Variants in MYBPC1 observed in about 807,000 individuals in gnomAD.
The protein encoded by MYBPC1 is myosin-binding protein C, slow-type.
Under a neutral mutation model 147.1 loss-of-function variants are expected in MYBPC1, and 52 were observed. The observed-to-expected ratio is 0.35, with a 90% CI of 0.28 to 0.45. MYBPC1 has a LOEUF of 0.45. MYBPC1 is among the 20% of genes least tolerant of loss of function. MYBPC1 has a pLI of 1.00. For synonymous variants in MYBPC1, 477 were observed against 475.9 expected (o/e 1.00, Z -0.03); for missense variants, 1,228 against 1,440.3 (o/e 0.85, Z 2.39).
rs114855457 is a variant in MYBPC1 at position 101,669,244 on chromosome 12, G to A, written c.2525-1077G>A. ...AATGGTTGTCCCCAGGAAAAGCACC[G>A]TACAACTGAGTTGGAGGATGAATAG... is the stretch of plus-strand genomic sequence containing the variant. On this transcript the variant is annotated intron_variant, in intron 23 of 31. Transcript: ENST00000361466. Among the ~76,000 whole-genome samples, 728 of 152,270 alleles carry A rather than the reference G, an allele frequency of 4.8e-3. 5 individuals are homozygous for A. The highest frequency in any genetic ancestry group is 0.016 in the African/African-American group (684 of 41,544).
intron 20 of MYBPC1, 27 bp downstream of exon 20, chr12:101,661,289 A>T: frequency 2.1e-6 from 3 of 1,423,888 alleles, no homozygotes; most frequent in Non-Finnish European, 3.0e-6. Flanking sequence ...TAGTCTGTGT[A>T]ACTGCCAGTA....
chr12:101,672,619 G>A (rs1007793591), intron 24 of MYBPC1, among the ~76,000 whole-genome samples: 6 of 152,254 alleles, frequency 3.9e-5, no homozygotes, highest in East Asian at 1.9e-4. Context: ...AGGCTGAGGC[G>A]TGTGAATCAC....
At chr12:101,635,482 T>C (rs1890803582) in intron 9 of MYBPC1, among the ~76,000 whole-genome samples, 1 of 152,228 alleles carries the variant, frequency 6.6e-6, no homozygotes, top group African/African-American at 2.4e-5. Context: ...TTTGAAAAGT[T>C]ATTTAATATT....
chr12:101,614,353 G>C lies in MYBPC1; in HGVS notation c.26-143G>C, dbSNP rs1885291621. The C allele has an allele frequency of 3.7e-6, 3 of 800,746 alleles. No homozygotes were observed. In the African/African-American group the frequency reaches 5.1e-5, roughly 14 times the overall value. The allele number at this position is 800,746 out of a possible 1,614,324, so 49.6% of individuals were successfully genotyped here. On this transcript the variant is annotated intron_variant, in intron 1 of 31. Transcript: ENST00000361466. Reference sequence around the variant, plus strand: ...GAGAGAGAGAGAGAGAGAGAAGAGAGAATGTGTTTCCCTCCTCCATCCCTC... The same window carrying C: ...GAGAGAGAGAGAGAGAGAGAAGAGACAATGTGTTTCCCTCCTCCATCCCTC...
chr12:101,613,752 C>A (rs1421107408), intron 1 of MYBPC1, among the ~76,000 whole-genome samples: 1 of 152,184 alleles, frequency 6.6e-6, no homozygotes, highest in Non-Finnish European at 1.5e-5. Context: ...ACCTCAAAAC[C>A]AGAGCCTGGA....
intron 24 of MYBPC1, among the ~76,000 whole-genome samples, chr12:101,672,569 C>T (rs1472618134): frequency 1.3e-5 from 2 of 152,114 alleles, no homozygotes; most frequent in Admixed American, 1.3e-4. Flanking sequence ...TGATATTGGC[C>T]GGGCACGGTG....
chr12:101,647,003 T>C, intron 13 of MYBPC1, 116 bp downstream of exon 13: 1 of 1,327,898 alleles, frequency 7.5e-7, no homozygotes, highest in Non-Finnish European at 1.1e-6. Flanking sequence ...TTATGGATCC[T>C]AATGAGTCTT....
chr12:101,670,394 G>A lies in MYBPC1; in HGVS notation c.2598G>A (p.Leu866=). ...YIRRVGEAVN[L]VIPFQGKPRP... ...GCAGAGTTGGAGAAGCTGTCAATCT[G>A]GTTATACCTTTCCAGGTAAGAGTTC... The change falls in exon 24 of 32, where the codon CTG becomes CTA. Residue 866 remains leucine, a synonymous_variant. Coordinates refer to ENST00000361466, the MANE Select transcript of MYBPC1 (RefSeq NM_002465.4). 2 of 1,613,706 alleles carry A rather than the reference G, an allele frequency of 1.2e-6. No homozygotes were observed. The highest frequency in any genetic ancestry group is 8.5e-7 in the Non-Finnish European group (1 of 1,179,674).
downstream of MYBPC1, among the ~76,000 whole-genome samples, chr12:101,686,414 CAG>C (rs1415196301): frequency 6.6e-6 from 1 of 152,192 alleles, no homozygotes; most frequent in African/African-American, 2.4e-5. Context: ...GTCATAGTGA[CAG>C]AGGGCTGTTA....
At chr12:101,683,692 G>A (rs191183451) in intron 30 of MYBPC1, among the ~76,000 whole-genome samples, 1 of 152,118 alleles carries the variant, frequency 6.6e-6, no homozygotes, top group Admixed American at 6.5e-5. Context: ...TTTGCAGCTG[G>A]GTATGCAACC....
chr12:101,598,095 C>G (rs1878170192), intron 1 of MYBPC1, among the ~76,000 whole-genome samples: 3 of 150,686 alleles, frequency 2.0e-5, no homozygotes, highest in Admixed American at 1.3e-4. Flanking sequence ...TCTCCGCTCA[C>G]TGCAGCCTTT....
chr12:101,605,794 A>G (rs12371923), intron 1 of MYBPC1, among the ~76,000 whole-genome samples: 20,630 of 152,008 alleles, frequency 0.14, 1,568 homozygotes, highest in African/African-American at 0.16. Context: ...CCTGGGAGGC[A>G]GAGGTTGTAC....
intron 24 of MYBPC1, among the ~76,000 whole-genome samples, chr12:101,671,327 A>ACT (rs1555252572): frequency 5.6e-4 from 58 of 103,322 alleles, no homozygotes; most frequent in Non-Finnish European, 1.0e-3. Flanking sequence ...ACACACACAC[A>ACT]CACACACACA....
intron 9 of MYBPC1, 86 bp downstream of exon 9, chr12:101,634,691 G>A (rs755692810): frequency 1.3e-5 from 14 of 1,094,480 alleles, no homozygotes; most frequent in South Asian, 6.3e-5. Flanking sequence ...CCTGTATTCC[G>A]TATTCCAAAT....
At chr12:101,613,043 A>C (rs940352363) in intron 1 of MYBPC1, among the ~76,000 whole-genome samples, 1 of 152,204 alleles carries the variant, frequency 6.6e-6, no homozygotes, top group East Asian at 1.9e-4. Flanking sequence ...TTTTGGTTAT[A>C]TATATCCTTC....
intron 29 of MYBPC1, among the ~76,000 whole-genome samples, chr12:101,681,555 CATATATATATATATATATATAT>C (rs1206495774): frequency 1.1e-3 from 25 of 23,170 alleles, no homozygotes; most frequent in South Asian, 8.0e-3. Flanking sequence ...AAATAACTTT[CATATATATATATATATATATAT>C]ATATATATAT....
chr12:101,604,760 T>C (rs923524857), intron 1 of MYBPC1, among the ~76,000 whole-genome samples: 36 of 152,222 alleles, frequency 2.4e-4, no homozygotes, highest in Admixed American at 3.3e-4. Flanking sequence ...TTTCCTACTT[T>C]ATCCCTCCTA....
chr12:101,687,202 G>T (rs2005917), downstream of MYBPC1, among the ~76,000 whole-genome samples: 124,137 of 151,634 alleles, frequency 0.82, 51,210 homozygotes, highest in African/African-American at 0.93. Flanking sequence ...TAGGTATATC[G>T]CCTAATGCTA....
At chr12:101,614,863 G>T in intron 2 of MYBPC1, 1 of 395,118 alleles carries the variant, frequency 2.5e-6, no homozygotes, top group Non-Finnish European at 4.7e-6. Flanking sequence ...AATTTGTGAG[G>T]CTTTTTCCTA....
Sources: gnomAD v4.1 joint callset for allele counts (sites outside exome capture counted in the v4.1 genomes callset) on GRCh38, gnomAD v4.1.1 for gene constraint, MANE v1.5 for transcripts, NCBI Gene and HGNC (gene_info 2026-07-23, HGNC 2026-07-21) for gene names.